Variants in ZBTB22 observed in about 807,000 individuals in gnomAD.
The protein encoded by ZBTB22 is zinc finger and BTB domain containing 22.
For missense variants in ZBTB22, 668 were observed against 834.1 expected, an observed-to-expected ratio of 0.80 and a Z score of 2.45; for synonymous variants, 356 against 347.3, an observed-to-expected ratio of 1.03 and a Z score of -0.28.
At position 33,316,264 on chromosome 6, in the gene ZBTB22, G is replaced by A; in HGVS notation, c.653C>T (p.Ser218Leu). The A allele has an allele frequency of 6.2e-7, 1 of 1,614,200 alleles. No homozygotes were observed. The highest frequency in any genetic ancestry group is 8.5e-7 in the Non-Finnish European group (1 of 1,180,032). ...YFSPRESTDFSSSSQEAFAAS... is the reference protein window; with the variant it reads ...YFSPRESTDFLSSSQEAFAAS... ...TGCAAATGCCTCTTGGGAGGAAGAT[G>A]AGAAATCAGTGGACTCCCTGGGGCT... The change falls in exon 2 of 2, where the codon TCA becomes TTA. Residue 218 changes from serine (S) to leucine (L), a missense_variant. Ser to Leu is a moderately radical substitution (Grantham distance 145). Coordinates refer to ENST00000431845, the MANE Select transcript of ZBTB22 (RefSeq NM_005453.5). The surrounding 1 kb of genome is among the most constrained non-coding windows in gnomAD (Gnocchi z 7.2).
In ZBTB22 at chr6:33,315,608, A is replaced by T. The variant is rs542063452; in HGVS notation, c.1309T>A (p.Ser437Thr). The change falls in exon 2 of 2, where the codon TCC becomes ACC. Residue 437 changes from serine to threonine, a missense_variant. Ser to Thr is a moderately conservative substitution (Grantham distance 58). Coordinates refer to ENST00000431845, the MANE Select transcript of ZBTB22 (RefSeq NM_005453.5). This position sits in a 1 kb window ranked among gnomAD's most constrained non-coding sequence, Gnocchi z 5.4. ...LVFPSSSSSS[S>T]SQAPGQPPGN... is the part of the protein sequence containing the mutation. ...GGTGGTTGGCCAGGAGCCTGTGAGG[A>T]TGAGGATGAAGACGACGACGGGAAG... The T allele has an allele frequency of 4.3e-6, 7 of 1,613,848 alleles. No individual in the cohort carries two copies. The East Asian group carries it at 1.1e-4, about 26-fold the overall frequency.
chr6:33,315,621 C>T lies in ZBTB22; in HGVS notation c.1296G>A (p.Ser432=), dbSNP rs1166847428. 25 of 1,613,916 alleles carry T rather than the reference C, an allele frequency of 1.5e-5. No homozygotes were observed. Among genetic ancestry groups the T allele is most frequent in the Admixed American group, 8.3e-5 (5 of 59,996 alleles). ...GAGCCTGTGAGGATGAGGATGAAGA[C>T]GACGACGGGAAGACCAGGATCTGGT... ...QGNQILVFPS[S]SSSSSSQAPG... Residue 432 remains serine, a synonymous_variant, in exon 2 of 2, where the codon TCG becomes TCA. Transcript: ENST00000431845. This position sits in a 1 kb window ranked among gnomAD's most constrained non-coding sequence, Gnocchi z 5.4.
At position 33,316,897 on chromosome 6, in the gene ZBTB22, G is replaced by C. The variant is rs1251206142; in HGVS notation, c.20C>G (p.Ser7Cys). 2 of 1,605,822 alleles carry C rather than the reference G, an allele frequency of 1.2e-6. No individual in the cohort carries two copies. Among genetic ancestry groups the C allele is most frequent in the Non-Finnish European group, 1.7e-6 (2 of 1,176,096 alleles). Reference protein sequence around the residue: MEPSPLSPSGAALPLPL... With the variant: MEPSPLCPSGAALPLPL... ...CAGGGGAAGTGCTGCCCCACTGGGA[G>C]ACAGAGGAGATGGCTCCATGTTGTG... is the stretch of plus-strand genomic sequence containing the variant. The change falls in exon 2 of 2, where the codon TCT becomes TGT. Residue 7 changes from serine (S) to cysteine (C), a missense_variant. Ser to Cys is a moderately radical substitution (Grantham distance 112). Transcript: ENST00000431845. The surrounding 1 kb of genome is among the most constrained non-coding windows in gnomAD (Gnocchi z 7.2).
At position 33,314,837 on chromosome 6, in the gene ZBTB22, G is replaced by A; in HGVS notation, c.*175C>T. Reference sequence around the variant, plus strand: ...TACCTTGGGGGGGAGGGGTTGAGTAGTAGAATGGGCGGGCGATGGTGAAAC... The same window carrying A: ...TACCTTGGGGGGGAGGGGTTGAGTAATAGAATGGGCGGGCGATGGTGAAAC... On this transcript the variant is annotated 3_prime_UTR_variant, in exon 2 of 2. Coordinates refer to ENST00000431845, the MANE Select transcript of ZBTB22 (RefSeq NM_005453.5). 1 of 1,293,844 alleles carries A rather than the reference G, an allele frequency of 7.7e-7. No individual in the cohort carries two copies. Among genetic ancestry groups the A allele is most frequent in the Non-Finnish European group, 1.0e-6 (1 of 979,706 alleles). 80.1% of individuals were successfully genotyped at this position (1,293,844 alleles called of 1,614,324 possible). A position where few individuals can be genotyped will look rare whatever the true frequency, so the allele number is the denominator to read the frequency against.
Position 33,314,996 on chromosome 6 carries a change from C to G in ZBTB22, c.*16G>C. On this transcript the variant is annotated 3_prime_UTR_variant, in exon 2 of 2. Coordinates refer to ENST00000431845, the MANE Select transcript of ZBTB22 (RefSeq NM_005453.5). ...TCCCTTTCCCGAAAGCTACCCCACCCCAGTAGCCTGCCCCTTCAGTTTGCT... is the reference window on the plus strand; with the variant it reads ...TCCCTTTCCCGAAAGCTACCCCACCGCAGTAGCCTGCCCCTTCAGTTTGCT... 1.3e-6 allele frequency: 2 copies of G among 1,530,778 alleles called. No individual in the cohort carries two copies. Among genetic ancestry groups the G allele is most frequent in the South Asian group, 2.6e-5 (2 of 78,202 alleles). 94.8% of individuals were successfully genotyped at this position (1,530,778 alleles called of 1,614,324 possible).
In ZBTB22 at chr6:33,316,371, G is replaced by C; in HGVS notation, c.546C>G (p.Ala182=). The C allele has an allele frequency of 6.2e-7, 1 of 1,614,012 alleles. No individual in the cohort carries two copies. The highest frequency in any genetic ancestry group is 8.5e-7 in the Non-Finnish European group (1 of 1,180,022). ...GVPSGSGGTV[A]PATMGSARSH... ...AGCGCGCAGAGCCCATGGTAGCAGG[G>C]GCCACAGTGCCCCCACTCCCGGATG... Residue 182 remains alanine, a synonymous_variant, in exon 2 of 2, where the codon GCC becomes GCG. Transcript: ENST00000431845. This position sits in a 1 kb window ranked among gnomAD's most constrained non-coding sequence, Gnocchi z 7.2.
Position 33,316,683 on chromosome 6 carries a change from G to A in ZBTB22, c.234C>T (p.Ser78=). 2 of 1,614,218 alleles carry A rather than the reference G, an allele frequency of 1.2e-6. No individual in the cohort carries two copies. Among genetic ancestry groups the A allele is most frequent in the South Asian group, 2.2e-5 (2 of 91,090 alleles). The change falls in exon 2 of 2, where the codon TCC becomes TCT. Residue 78 remains serine, a synonymous_variant. Coordinates refer to ENST00000431845, the MANE Select transcript of ZBTB22 (RefSeq NM_005453.5). The surrounding 1 kb of genome is among the most constrained non-coding windows in gnomAD (Gnocchi z 7.2). ...GGACCTGATCATGGAAGTAAGGGGA[G>A]GAGGCAGCCAGGACAGCCCGATGAG... The part of the protein sequence containing the change: ...FRAHRAVLAA[S]SPYFHDQVLL...
In ZBTB22 at chr6:33,316,287, G is replaced by C. The variant is rs749073213; in HGVS notation, c.630C>G (p.Ser210Arg). The change falls in exon 2 of 2, where the codon AGC (serine) becomes AGG (arginine). Residue 210 changes from serine to arginine, a missense_variant. Physicochemically the swap from Ser to Arg is moderately radical, Grantham distance 110. Coordinates refer to ENST00000431845, the MANE Select transcript of ZBTB22 (RefSeq NM_005453.5). The surrounding 1 kb of genome is among the most constrained non-coding windows in gnomAD (Gnocchi z 7.2). ...ATGAGAAATCAGTGGACTCCCTGGG[G>C]CTGAAGTAGTTGCTGCTGCTGGGAG... ...NQSPSSSNYFSPRESTDFSSS... is the reference protein window; with the variant it reads ...NQSPSSSNYFRPRESTDFSSS... 2.5e-6 allele frequency: 4 copies of C among 1,614,126 alleles called. No individual in the cohort carries two copies. Among genetic ancestry groups the C allele is most frequent in the Non-Finnish European group, 3.4e-6 (4 of 1,180,006 alleles).
chr6:33,314,718 C>A lies in ZBTB22; in HGVS notation c.*294G>T. On this transcript the variant is annotated 3_prime_UTR_variant, in exon 2 of 2. Transcript: ENST00000431845. ...CCCTGTGACTGCAGGATGTTCAACA[C>A]GCCCCCTCTCCCTCCCTCCATGTGC... The A allele has an allele frequency of 2.3e-6, 1 of 436,744 alleles. No homozygotes were observed. 27.1% of individuals were successfully genotyped at this position (436,744 alleles called of 1,614,324 possible). A position where few individuals can be genotyped will look rare whatever the true frequency, so the allele number is the denominator to read the frequency against.
Position 33,315,263 on chromosome 6 carries a change from A to T in ZBTB22, c.1654T>A (p.Trp552Arg). ...CGGTGGCGCATGAAGCTGTCTCGCC[A>T]CATGAACTTCTTGGCGCAGACTCCG... ...ECGVCAKKFMWRDSFMRHRGH... is the reference protein window; with the variant it reads ...ECGVCAKKFMRRDSFMRHRGH... Residue 552 changes from tryptophan to arginine, a missense_variant, in exon 2 of 2, where the codon TGG becomes AGG. Trp to Arg is a moderately radical substitution (Grantham distance 101, BLOSUM62 -3). Transcript: ENST00000431845. The surrounding 1 kb of genome is among the most constrained non-coding windows in gnomAD (Gnocchi z 5.4). 1 of 1,613,784 alleles carries T rather than the reference A, an allele frequency of 6.2e-7. No individual in the cohort carries two copies. Among genetic ancestry groups the T allele is most frequent in the Non-Finnish European group, 8.5e-7 (1 of 1,179,930 alleles).
chr6:33,315,036 G>A lies in ZBTB22; in HGVS notation c.1881C>T (p.Phe627=). The change falls in exon 2 of 2, where the codon TTC becomes TTT. Residue 627 remains phenylalanine (F), a synonymous_variant. Transcript: ENST00000431845. This position sits in a 1 kb window ranked among gnomAD's most constrained non-coding sequence, Gnocchi z 5.4. ...TTCAGTTTGCTCCTCCACCTCCACC[G>A]AAGCCCATCTCCACCTTGTGGACTC... ...PPRVHKVEMG[F]GGGGGAN 4 of 1,559,902 alleles carry A rather than the reference G, an allele frequency of 2.6e-6. No individual in the cohort carries two copies. Among genetic ancestry groups the A allele is most frequent in the Non-Finnish European group, 3.5e-6 (4 of 1,149,772 alleles).
Position 33,316,597 on chromosome 6 carries a change from G to A in ZBTB22, c.320C>T (p.Thr107Ile), listed in dbSNP as rs1242079509. ...PSVMDPGAFETVLASAYTGRL... is the reference protein window; with the variant it reads ...PSVMDPGAFEIVLASAYTGRL... ...GCCAGTGTAAGCGGAGGCTAGGACA[G>A]TCTCAAAGGCGCCTGGGTCCATGAC... Residue 107 changes from threonine to isoleucine, a missense_variant, in exon 2 of 2, where the codon ACT becomes ATT. Thr to Ile is a moderately conservative substitution (Grantham distance 89). Coordinates refer to ENST00000431845, the MANE Select transcript of ZBTB22 (RefSeq NM_005453.5). The surrounding 1 kb of genome is among the most constrained non-coding windows in gnomAD (Gnocchi z 7.2). The A allele has an allele frequency of 6.2e-7, 1 of 1,614,138 alleles. No individual in the cohort carries two copies. The highest frequency in any genetic ancestry group is 8.5e-7 in the Non-Finnish European group (1 of 1,180,052).
chr6:33,317,499 C>CCA (rs1316792208), intron 1 of ZBTB22, among the ~76,000 whole-genome samples, 154 bp downstream of exon 1: 7 of 138,642 alleles, frequency 5.0e-5, no homozygotes, highest in Non-Finnish European at 1.1e-4. Context: ...AGGCCCACCC[C>CCA]CCCGTGCCCC....
rs746800317 is a variant in ZBTB22, at chr6:33,315,618, AGAC to A, written c.1296_1298del (p.Ser438del). 1.9e-6 allele frequency: 3 copies of A among 1,613,918 alleles called. No homozygotes were observed. Among genetic ancestry groups the A allele is most frequent in the African/African-American group, 1.3e-5 (1 of 74,970 alleles). ...CAGGAGCCTGTGAGGATGAGGATGA[AGAC>A]GACGACGGGAAGACCAGGATCTGGT... On this transcript the variant is annotated inframe_deletion, in exon 2 of 2. Coordinates refer to ENST00000431845, the MANE Select transcript of ZBTB22 (RefSeq NM_005453.5). This position sits in a 1 kb window ranked among gnomAD's most constrained non-coding sequence, Gnocchi z 5.4.
chr6:33,315,800 C>T lies in ZBTB22; in HGVS notation c.1117G>A (p.Glu373Lys), dbSNP rs1286162245. The T allele has an allele frequency of 1.2e-6, 2 of 1,612,908 alleles. No homozygotes were observed. The highest frequency in any genetic ancestry group is 1.7e-5 in the Admixed American group (1 of 59,966). ...GAGGACTCACAGAAGTTGACCTGCT[C>T]CTCCCCCTTGTCTGGGGGCTCACTC... Reference protein sequence around the residue: ...TLSEPPDKGEEQVNFCESSND... With the variant: ...TLSEPPDKGEKQVNFCESSND... The change falls in exon 2 of 2, where the codon GAG becomes AAG. Residue 373 changes from glutamate (E) to lysine (K), a missense_variant. Transcript: ENST00000431845. This position sits in a 1 kb window ranked among gnomAD's most constrained non-coding sequence, Gnocchi z 5.4.
Position 33,315,971 on chromosome 6 carries a change from C to A in ZBTB22, c.946G>T (p.Asp316Tyr), listed in dbSNP as rs370043057. ...CPAPTPLVPQDPDLEEEEEEE... is the reference protein window; with the variant it reads ...CPAPTPLVPQYPDLEEEEEEE... ...TCCTCTTCCTCCTCCAGATCTGGGT[C>A]TTGGGGAACCAGGGGTGTTGGCGCT... Residue 316 changes from aspartate to tyrosine, a missense_variant, in exon 2 of 2, where the codon GAC becomes TAC. By Grantham distance (160) the Asp-to-Tyr change is radical. Transcript: ENST00000431845. This position sits in a 1 kb window ranked among gnomAD's most constrained non-coding sequence, Gnocchi z 5.4. The A allele has an allele frequency of 2.7e-5, 43 of 1,614,132 alleles. No homozygotes were observed. In the African/African-American group the frequency reaches 5.5e-4, roughly 21 times the overall value.
rs909763934 is a variant in ZBTB22, at chr6:33,314,555, G to A, written c.*457C>T. ...TTTCCACGGGAAGTCGGGGGTGGCG[G>A]GGAGAGACAGGGTAGAAATAAAGAG... On this transcript the variant is annotated 3_prime_UTR_variant, in exon 2 of 2. Coordinates refer to ENST00000431845, the MANE Select transcript of ZBTB22 (RefSeq NM_005453.5). The A allele has an allele frequency of 2.4e-5, 5 of 204,724 alleles. No individual in the cohort carries two copies. Among genetic ancestry groups the A allele is most frequent in the Admixed American group, 5.4e-5 (1 of 18,650 alleles). The allele number at this position is 204,724 out of a possible 1,614,324, so 12.7% of individuals were successfully genotyped here.
In ZBTB22 at chr6:33,314,602, G is replaced by A; in HGVS notation, c.*410C>T. On this transcript the variant is annotated 3_prime_UTR_variant, in exon 2 of 2. Transcript: ENST00000431845. Reference sequence around the variant, plus strand: ...AGAGCGCATCCTTGAGAGGGGGTAGGTTCTAGGACAAGGGTGGGGCTCAAA... The same window carrying A: ...AGAGCGCATCCTTGAGAGGGGGTAGATTCTAGGACAAGGGTGGGGCTCAAA... 1 of 224,724 alleles carries A rather than the reference G, an allele frequency of 4.4e-6. No individual in the cohort carries two copies. Among genetic ancestry groups the A allele is most frequent in the African/African-American group, 2.3e-5 (1 of 43,682 alleles). The allele number at this position is 224,724 out of a possible 1,614,324, so 13.9% of individuals were successfully genotyped here.
At position 33,315,250 on chromosome 6, in the gene ZBTB22, A is replaced by G. The variant is rs763726564; in HGVS notation, c.1667T>C (p.Phe556Ser). The G allele has an allele frequency of 2.5e-6, 4 of 1,613,346 alleles. No individual in the cohort carries two copies. Among genetic ancestry groups the G allele is most frequent in the Non-Finnish European group, 3.4e-6 (4 of 1,179,832 alleles). The change falls in exon 2 of 2, where the codon TTC becomes TCC. Residue 556 changes from phenylalanine (F) to serine (S), a missense_variant. Phe to Ser is a radical substitution (Grantham distance 155). Transcript: ENST00000431845. This position sits in a 1 kb window ranked among gnomAD's most constrained non-coding sequence, Gnocchi z 5.4. ...CAKKFMWRDS[F>S]MRHRGHCERR... is the part of the protein sequence containing the mutation. ...CTCACAGTGTCCTCGGTGGCGCATG[A>G]AGCTGTCTCGCCACATGAACTTCTT...
Sources: allele counts gnomAD v4.1 joint callset (sites outside exome capture counted in the v4.1 genomes callset), GRCh38; gene constraint gnomAD v4.1.1; non-coding constraint Gnocchi (gnomAD v3.1); transcripts MANE v1.5; gene names NCBI Gene and HGNC (gene_info 2026-07-23, HGNC 2026-07-21).